GABRB2: variants seen among roughly 807,000 people sequenced by gnomAD.
GABRB2 encodes gamma-aminobutyric acid receptor subunit beta-2.
A neutral mutation model predicts 54.7 loss-of-function variants in GABRB2; 16 were observed. The observed-to-expected ratio is 0.29, with a 90% CI of 0.20 to 0.44. GABRB2 has a LOEUF of 0.44. GABRB2 is among the 20% of genes least tolerant of loss of function. GABRB2 has a pLI of 1.00. For missense variants in GABRB2, 355 were observed against 644.0 expected (o/e 0.55, Z 4.86); for synonymous variants, 244 against 233.8 (o/e 1.04, Z -0.40).
At chr5:161,501,546 A>C (rs2113379119) in intron 3 of GABRB2, among the ~76,000 whole-genome samples, 1 of 152,250 alleles carries the variant, frequency 6.6e-6, no homozygotes, top group East Asian at 1.9e-4. Flanking sequence ...AGATTCAGAG[A>C]CCCACTAACT....
At chr5:161,413,161 A>G (rs1232205275) in intron 4 of GABRB2, among the ~76,000 whole-genome samples, 1 of 152,208 alleles carries the variant, frequency 6.6e-6, no homozygotes, top group East Asian at 1.9e-4. Context: ...CTCAATAAGT[A>G]TATGATGGAT....
rs573783427 is a variant in GABRB2 at position 161,393,253 on chromosome 5, G to A, written c.541+17722C>T. ...AATGGGGCCAAAAGGAACTGCTAAG[G>A]TATAAGATTTCTTTATATTCTCCCT... On this transcript the variant is annotated intron_variant, in intron 5 of 9. Coordinates refer to ENST00000393959, the MANE Select transcript of GABRB2 (RefSeq NM_001371727.1). 4.0e-5 allele frequency among the ~76,000 whole-genome samples: 5 copies of A among 125,116 alleles called. No individual in the cohort carries two copies. In the South Asian group the frequency reaches 1.4e-3, roughly 34 times the overall value. 82.1% of individuals were successfully genotyped at this position (125,116 alleles called of 152,430 possible).
intron 4 of GABRB2, among the ~76,000 whole-genome samples, chr5:161,419,750 C>A (rs967177202): frequency 1.3e-5 from 2 of 152,076 alleles, no homozygotes; most frequent in Non-Finnish European, 2.9e-5. Flanking sequence ...TAAGTGGGAG[C>A]TAAAAAATGT....
At chr5:161,483,403 A>G (rs933449576) in intron 3 of GABRB2, among the ~76,000 whole-genome samples, 4 of 152,050 alleles carry the variant, frequency 2.6e-5, no homozygotes, top group Non-Finnish European at 4.4e-5. Context: ...ATGAATAAAG[A>G]AAAGGATTCG....
At chr5:161,495,819 T>A (rs1759223135) in intron 3 of GABRB2, among the ~76,000 whole-genome samples, 1 of 152,114 alleles carries the variant, frequency 6.6e-6, no homozygotes, top group South Asian at 2.1e-4. Flanking sequence ...ATTTTGTAGT[T>A]CCCTATCCTT....
chr5:161,518,588 C>T (rs1299524721), intron 3 of GABRB2, among the ~76,000 whole-genome samples: 2 of 152,206 alleles, frequency 1.3e-5, no homozygotes, highest in East Asian at 1.9e-4. Context: ...ATAGGTGATG[C>T]TACTAGACTA....
chr5:161,397,191 C>CACAGTCAAGTA (rs1756028176), intron 5 of GABRB2, among the ~76,000 whole-genome samples: 1 of 152,152 alleles, frequency 6.6e-6, no homozygotes. Flanking sequence ...ATTAGAAAGA[C>CACAGTCAAGTA]ACAGTCAAGT....
chr5:161,361,917 T>C (rs1382989815), intron 5 of GABRB2, among the ~76,000 whole-genome samples: 1 of 152,182 alleles, frequency 6.6e-6, no homozygotes, highest in African/African-American at 2.4e-5. Flanking sequence ...AGGTCTTACA[T>C]TTAAGTATTT....
chr5:161,523,864 T>C (rs1314719329), intron 3 of GABRB2, among the ~76,000 whole-genome samples: 1 of 151,356 alleles, frequency 6.6e-6, no homozygotes, highest in Non-Finnish European at 1.5e-5. Flanking sequence ...AAAGGAAATA[T>C]TCTGAGTAGA....
At chr5:161,461,563 C>T (rs918248480) in intron 3 of GABRB2, among the ~76,000 whole-genome samples, 1 of 152,158 alleles carries the variant, frequency 6.6e-6, no homozygotes, top group African/African-American at 2.4e-5. Flanking sequence ...AAGCTATATA[C>T]TATGAATGAA....
At chr5:161,452,918 C>T (rs992606808) in intron 4 of GABRB2, among the ~76,000 whole-genome samples, 1 of 152,064 alleles carries the variant, frequency 6.6e-6, no homozygotes, top group African/African-American at 2.4e-5. Context: ...ATTACTTGGG[C>T]CCAGGAAGCA....
intron 5 of GABRB2, among the ~76,000 whole-genome samples, chr5:161,393,297 T>A (rs1379255305): frequency 1.1e-5 from 1 of 94,074 alleles, no homozygotes; most frequent in African/African-American, 4.1e-5. Flanking sequence ...TCTTTAAAAA[T>A]GTAAAAAAAA....
chr5:161,516,229 C>T (rs768972947), intron 3 of GABRB2, among the ~76,000 whole-genome samples: 1 of 152,130 alleles, frequency 6.6e-6, no homozygotes, highest in African/African-American at 2.4e-5. Flanking sequence ...CATATATTGA[C>T]CATCAATATT....
intron 3 of GABRB2, among the ~76,000 whole-genome samples, chr5:161,491,125 A>G (rs894970014): frequency 1.3e-5 from 2 of 151,748 alleles, no homozygotes; most frequent in African/African-American, 2.4e-5. Flanking sequence ...TTAAAATGAC[A>G]TAACTGTGGG....
chr5:161,459,499 G>A (rs55782657), intron 4 of GABRB2, 125 bp downstream of exon 4: 2 of 791,054 alleles, frequency 2.5e-6, no homozygotes, highest in Non-Finnish European at 2.1e-6. Context: ...TAGTGGATAG[G>A]AGGCTTAACT....
At chr5:161,390,300 A>T (rs2113033100) in intron 5 of GABRB2, among the ~76,000 whole-genome samples, 1 of 152,222 alleles carries the variant, frequency 6.6e-6, no homozygotes, top group Admixed American at 6.5e-5. Flanking sequence ...AATACCAGAC[A>T]GAATGAAATT....
Position 161,324,139 on chromosome 5 carries a change from T to C in GABRB2, c.1191+2229A>G, listed in dbSNP as rs546792160. Among the ~76,000 whole-genome samples, 59 of 152,290 alleles carry C rather than the reference T, an allele frequency of 3.9e-4. 1 individual carries two copies. In the South Asian group the frequency reaches 0.012, roughly 31 times the overall value. On this transcript the variant is annotated intron_variant, in intron 9 of 9. Coordinates refer to ENST00000393959, the MANE Select transcript of GABRB2 (RefSeq NM_001371727.1). ...AGCTATTAGAAATGGTGTATACTTA[T>C]ACTAAAAGATATGAAAAGTTAACTG...
At chr5:161,379,072 G>A (rs1755390426) in intron 5 of GABRB2, among the ~76,000 whole-genome samples, 1 of 152,130 alleles carries the variant, frequency 6.6e-6, no homozygotes, top group South Asian at 2.1e-4. Context: ...AAGTACCTTA[G>A]AAATGACATT....
At chr5:161,351,911 TA>T (rs1303263530) in intron 5 of GABRB2, among the ~76,000 whole-genome samples, 1 of 151,978 alleles carries the variant, frequency 6.6e-6, no homozygotes, top group Non-Finnish European at 1.5e-5. Context: ...AGACATTTCT[TA>T]AAAGAAGACA....
Sources: allele counts gnomAD v4.1 joint callset (sites outside exome capture counted in the v4.1 genomes callset), GRCh38; gene constraint gnomAD v4.1.1; transcripts MANE v1.5; gene names NCBI Gene and HGNC (gene_info 2026-07-23, HGNC 2026-07-21).